The following PCLO variants were observed in gnomAD, a reference collection of about 807,000 sequenced individuals.
PCLO encodes piccolo presynaptic cytomatrix protein, also known as protein piccolo.
In PCLO, 82 loss-of-function variants were observed where a neutral mutation model predicts 427.5. That is an observed-to-expected ratio of 0.19 (90% CI 0.16 to 0.23). PCLO has a LOEUF of 0.23. Among genes scored for constraint, PCLO ranks in the 10% least tolerant of loss-of-function variants. PCLO has a pLI of 1.00. For missense variants in PCLO, 6,239 were observed against 6,115.9 expected (o/e 1.02, Z -0.67); for synonymous variants, 2,357 against 2,155.4 (o/e 1.09, Z -2.59).
At chr7:83,094,641 G>A (rs1790486285) in intron 3 of PCLO, among the ~76,000 whole-genome samples, 1 of 152,086 alleles carries the variant, frequency 6.6e-6, no homozygotes, top group African/African-American at 2.4e-5. Flanking sequence ...TCCACTTAAG[G>A]ACATCTGGCT....
intron 1 of PCLO, among the ~76,000 whole-genome samples, chr7:83,158,060 G>C (rs1292765112): frequency 2.0e-5 from 3 of 152,028 alleles, no homozygotes; most frequent in Non-Finnish European, 2.9e-5. Context: ...TAGGTAGCAA[G>C]CACTTAGAAG....
At chr7:82,991,546 A>G (rs1027269840) in intron 3 of PCLO, among the ~76,000 whole-genome samples, 1 of 152,098 alleles carries the variant, frequency 6.6e-6, no homozygotes, top group Non-Finnish European at 1.5e-5. Context: ...TGAGATAACA[A>G]TATATTTAAA....
chr7:82,773,865 G>A (rs569591949), intron 22 of PCLO, among the ~76,000 whole-genome samples: 1 of 152,230 alleles, frequency 6.6e-6, no homozygotes, highest in South Asian at 2.1e-4. Flanking sequence ...TTACCAGCAA[G>A]AAATCTGAAG....
chr7:83,128,508 C>G (rs1339120061), intron 3 of PCLO, among the ~76,000 whole-genome samples: 1 of 152,144 alleles, frequency 6.6e-6, no homozygotes, highest in South Asian at 2.1e-4. Context: ...AGCATACATG[C>G]AAACTTCGTT....
At chr7:82,903,838 T>C (rs1231503342) in intron 8 of PCLO, among the ~76,000 whole-genome samples, 1 of 151,978 alleles carries the variant, frequency 6.6e-6, no homozygotes, top group African/African-American at 2.4e-5. Flanking sequence ...GTATACATTT[T>C]GTGAAGAAAG....
At chr7:83,118,002 A>T (rs1791176572) in intron 3 of PCLO, among the ~76,000 whole-genome samples, 2 of 152,196 alleles carry the variant, frequency 1.3e-5, no homozygotes, top group Admixed American at 1.3e-4. Flanking sequence ...CTAGGAACAT[A>T]AACTGTGTTT....
chr7:83,143,407 A>C (rs1791911514), intron 2 of PCLO, among the ~76,000 whole-genome samples: 1 of 152,278 alleles, frequency 6.6e-6, no homozygotes, highest in East Asian at 1.9e-4. Flanking sequence ...TTAATAAAAC[A>C]ATTTTCTTTA....
intron 2 of PCLO, among the ~76,000 whole-genome samples, chr7:83,140,377 G>A (rs1019071574): frequency 6.6e-6 from 1 of 152,056 alleles, no homozygotes; most frequent in African/African-American, 2.4e-5. Context: ...AAGTAAAAAT[G>A]TTTACAAGAA....
rs1240526456 is a variant in PCLO, at chr7:83,096,972, T to A, written c.3300+37278A>T. ...TATATAAATAATATAATATAATATA[T>A]TATATATTATATAAATAATATATAT... On this transcript the variant is annotated intron_variant, in intron 3 of 24. Coordinates refer to ENST00000333891, the MANE Select transcript of PCLO (RefSeq NM_033026.6). Among the ~76,000 whole-genome samples the A allele has an allele frequency of 2.5e-3, 112 of 45,276 alleles. 14 individuals carry two copies. The highest frequency in any genetic ancestry group is 8.2e-3 in the African/African-American group (49 of 5,960). 29.7% of individuals were successfully genotyped at this position (45,276 alleles called of 152,430 possible). A position where few individuals can be genotyped will look rare whatever the true frequency, so the allele number is the denominator to read the frequency against.
At chr7:83,024,152 G>A (rs566532558) in intron 3 of PCLO, among the ~76,000 whole-genome samples, 55 of 152,316 alleles carry the variant, frequency 3.6e-4, no homozygotes, top group East Asian at 1.9e-3. Context: ...CAGCGTGAGC[G>A]ACGCAGAAGA....
chr7:82,939,936 T>C (rs1795041736), intron 6 of PCLO, among the ~76,000 whole-genome samples: 1 of 131,826 alleles, frequency 7.6e-6, no homozygotes, highest in African/African-American at 2.6e-5. Flanking sequence ...GGTTAAAAGA[T>C]GGTAAATTAA....
intron 20 of PCLO, among the ~76,000 whole-genome samples, chr7:82,812,953 A>C (rs918505611): frequency 4.0e-5 from 6 of 151,642 alleles, no homozygotes; most frequent in African/African-American, 1.4e-4. Flanking sequence ...ACTGTAAAAC[A>C]TGCAGGTTTG....
At chr7:83,086,082 T>G (rs1289044106) in intron 3 of PCLO, among the ~76,000 whole-genome samples, 3 of 151,834 alleles carry the variant, frequency 2.0e-5, no homozygotes, top group Admixed American at 6.6e-5. Flanking sequence ...AATTGCTACC[T>G]GAACACTGAC....
rs1298942268 is a variant in PCLO, at chr7:83,134,270, G to T, written c.3280C>A (p.Pro1094Thr). ...NQVCNLCGFN[P>T]TPHLTEIQEW... ...CTTACCTCAGTCAAATGTGGTGTAG[G>T]GTTAAATCCACAGAGATTACACACT... Residue 1094 changes from proline to threonine, a missense_variant, in exon 3 of 25, where the codon CCT becomes ACT. This residue lies in a region of PCLO where 4,677 missense variants were observed against 4,468.4 expected (regional missense o/e 1.05). Transcript: ENST00000333891. The T allele has an allele frequency of 2.7e-6, 4 of 1,502,724 alleles. No homozygotes were observed. In the African/African-American group the frequency reaches 5.7e-5, roughly 21 times the overall value. The allele number at this position is 1,502,724 out of a possible 1,614,324, so 93.1% of individuals were successfully genotyped here.
chr7:83,072,914 T>C (rs1789855457), intron 3 of PCLO, among the ~76,000 whole-genome samples: 1 of 151,998 alleles, frequency 6.6e-6, no homozygotes, highest in African/African-American at 2.4e-5. Flanking sequence ...TCCTTCCTTT[T>C]ACCTTCAACA....
intron 16 of PCLO, among the ~76,000 whole-genome samples, chr7:82,835,371 A>AG (rs2115740671): frequency 6.6e-6 from 1 of 152,326 alleles, no homozygotes; most frequent in African/African-American, 2.4e-5. Context: ...AATGAGTTTT[A>AG]GTGAATAGAT....
chr7:83,127,803 C>A (rs911733740), intron 3 of PCLO, among the ~76,000 whole-genome samples: 20 of 151,748 alleles, frequency 1.3e-4, no homozygotes, highest in African/African-American at 4.4e-4. Context: ...GATGTTCTGA[C>A]CTAAAGTTTG....
At chr7:83,121,642 T>C (rs563474591) in intron 3 of PCLO, among the ~76,000 whole-genome samples, 1 of 150,854 alleles carries the variant, frequency 6.6e-6, no homozygotes, top group South Asian at 2.1e-4. Flanking sequence ...ACTTCACCTA[T>C]AAAGACACAC....
intron 3 of PCLO, among the ~76,000 whole-genome samples, chr7:83,021,314 G>A (rs1043664081): frequency 1.3e-5 from 2 of 152,148 alleles, no homozygotes; most frequent in African/African-American, 4.8e-5. Context: ...TTACTGTGCA[G>A]CAGGCATTAT....
Sources: gnomAD v4.1 joint callset for allele counts (sites outside exome capture counted in the v4.1 genomes callset) on GRCh38, gnomAD v4.1.1 for gene constraint, gnomAD v4.1.1 regional missense constraint, MANE v1.5 for transcripts, NCBI Gene and HGNC (gene_info 2026-07-23, HGNC 2026-07-21) for gene names.